RABGEF1: variants seen among roughly 807,000 people sequenced by gnomAD.
RABGEF1 encodes the protein rab5 GDP/GTP exchange factor.
In RABGEF1, 26 loss-of-function variants were observed where a neutral mutation model predicts 57.3. That is an observed-to-expected ratio of 0.45 (90% CI 0.33 to 0.63). The LOEUF (loss-of-function observed/expected upper bound fraction) is 0.63, where lower values mean the gene tolerates loss of function less well. Ranked by LOEUF, RABGEF1 falls within the 20% of genes least tolerant of loss-of-function variation. RABGEF1 has a pLI of 0.02. For missense variants in RABGEF1, 464 were observed against 607.6 expected (o/e 0.76, Z 2.48); for synonymous variants, 185 against 210.7 (o/e 0.88, Z 1.06).
At chr7:66,792,867 T>A (rs1813052674) in intron 4 of RABGEF1, among the ~76,000 whole-genome samples, 1 of 152,104 alleles carries the variant, frequency 6.6e-6, no homozygotes, top group Admixed American at 6.5e-5. Flanking sequence ...AACATTTTAG[T>A]TGGGGAAATG....
intron 1 of RABGEF1, among the ~76,000 whole-genome samples, chr7:66,690,929 CA>C (rs35650421): frequency 3.9e-4 from 56 of 144,716 alleles, no homozygotes; most frequent in Middle Eastern, 3.6e-3. Flanking sequence ...ACTAAAAATA[CA>C]AAAAAAAAAA....
intron 8 of RABGEF1, among the ~76,000 whole-genome samples, chr7:66,805,739 C>CTCAT (rs76088882): frequency 0.039 from 5,969 of 152,110 alleles, 160 homozygotes; most frequent in East Asian, 0.084. Context: ...TATTTGCCCC[C>CTCAT]TCATTCATTC....
intron 7 of RABGEF1, among the ~76,000 whole-genome samples, chr7:66,804,064 T>C (rs13237544): frequency 0.1 from 15,419 of 151,680 alleles, 963 homozygotes; most frequent in South Asian, 0.2. Context: ...TTGAACTAAG[T>C]GTGTCGGATT....
chr7:66,758,867 G>A (rs180711303), intron 1 of RABGEF1, among the ~76,000 whole-genome samples: 6 of 152,226 alleles, frequency 3.9e-5, no homozygotes, highest in South Asian at 2.1e-4. Flanking sequence ...ATTAAAAAAC[G>A]TTCATGTGTG....
chr7:66,748,026 T>C (rs1020959332), intron 1 of RABGEF1, among the ~76,000 whole-genome samples: 13 of 152,316 alleles, frequency 8.5e-5, no homozygotes, highest in Admixed American at 7.2e-4. Flanking sequence ...GCCACAAATT[T>C]GGCTTTGCTT....
intron 2 of RABGEF1, among the ~76,000 whole-genome samples, chr7:66,733,180 C>T (rs1797537837): frequency 6.6e-6 from 1 of 152,180 alleles, no homozygotes; most frequent in African/African-American, 2.4e-5. Flanking sequence ...TGGCAGTGCC[C>T]CTGCAGCCCA....
intron 1 of RABGEF1, among the ~76,000 whole-genome samples, chr7:66,696,515 C>T (rs1792356351): frequency 6.6e-6 from 1 of 151,926 alleles, no homozygotes; most frequent in Non-Finnish European, 1.5e-5. Context: ...CATGGTCAAA[C>T]CCTGTCTCTA....
intron 7 of RABGEF1, among the ~76,000 whole-genome samples, chr7:66,803,845 T>G (rs1251552004): frequency 6.7e-6 from 1 of 149,538 alleles, no homozygotes; most frequent in East Asian, 2.0e-4. Context: ...GCCGAGATCG[T>G]GCCACTGTAC....
intron 1 of RABGEF1, among the ~76,000 whole-genome samples, chr7:66,762,596 GAAAAGAAA>G (rs1258750707): frequency 2.0e-5 from 3 of 150,474 alleles, no homozygotes; most frequent in East Asian, 3.9e-4. Context: ...CTCAAGAAAA[GAAAAGAAA>G]AAAAGAAAAA....
the RABGEF1 span, among the ~76,000 whole-genome samples, chr7:66,671,931 C>T: frequency 1.3e-5 from 2 of 151,578 alleles, no homozygotes; most frequent in African/African-American, 4.9e-5. Flanking sequence ...ATCCTCCTGC[C>T]TCAGCTTCCC....
chr7:66,779,302 G>A (rs1216029545), intron 3 of RABGEF1, among the ~76,000 whole-genome samples: 3 of 151,930 alleles, frequency 2.0e-5, no homozygotes, highest in African/African-American at 4.8e-5. Flanking sequence ...TCGGGAGTTC[G>A]AGACCAGACT....
intron 1 of RABGEF1, chr7:66,748,750 A>T (rs1800787018): frequency 6.5e-6 from 1 of 154,658 alleles, no homozygotes; most frequent in Non-Finnish European, 1.5e-5. Flanking sequence ...ATTACACTTT[A>T]TACCTTCACT....
intron 1 of RABGEF1, among the ~76,000 whole-genome samples, chr7:66,753,213 A>G (rs1178233724): frequency 1.3e-5 from 2 of 152,174 alleles, no homozygotes; most frequent in Non-Finnish European, 2.9e-5. Context: ...TAGGATGACC[A>G]TGTAACTTAT....
chr7:66,763,182 C>A (rs1376483457), intron 1 of RABGEF1, among the ~76,000 whole-genome samples: 5 of 152,112 alleles, frequency 3.3e-5, no homozygotes, highest in Admixed American at 2.0e-4. Context: ...CATTTATTAT[C>A]TGAAAGTTCT....
At chr7:66,699,789 G>T (rs780644891) in intron 1 of RABGEF1, among the ~76,000 whole-genome samples, 4 of 152,110 alleles carry the variant, frequency 2.6e-5, no homozygotes, top group Non-Finnish European at 5.9e-5. Flanking sequence ...GGAGGTTGAG[G>T]CTGCAGTGAG....
intron 1 of RABGEF1, among the ~76,000 whole-genome samples, chr7:66,749,428 G>A (rs1174063341): frequency 6.6e-6 from 1 of 152,146 alleles, no homozygotes; most frequent in Admixed American, 6.6e-5. Flanking sequence ...TTCTAAATGT[G>A]TTCCTCAAAA....
intron 1 of RABGEF1, among the ~76,000 whole-genome samples, chr7:66,763,618 C>A (rs1467158754): frequency 6.6e-6 from 1 of 152,192 alleles, no homozygotes; most frequent in Non-Finnish European, 1.5e-5. Flanking sequence ...ACATTTTCAT[C>A]ATCTCAAAAA....
At chr7:66,742,994 G>A (rs563072070) in intron 1 of RABGEF1, among the ~76,000 whole-genome samples, 1 of 152,124 alleles carries the variant, frequency 6.6e-6, no homozygotes, top group African/African-American at 2.4e-5. Flanking sequence ...AAGTTTTTTA[G>A]CTGGGTCCTT....
chr7:66,696,315 C>A (rs13233304), intron 1 of RABGEF1, among the ~76,000 whole-genome samples: 1 of 152,140 alleles, frequency 6.6e-6, no homozygotes, highest in South Asian at 2.1e-4. Context: ...CTGCCTGCTT[C>A]AGCCTCCCAA....
Sources: gnomAD v4.1 joint callset for allele counts (sites outside exome capture counted in the v4.1 genomes callset) on GRCh38, gnomAD v4.1.1 for gene constraint, MANE v1.5 for transcripts, NCBI Gene and HGNC (gene_info 2026-07-23, HGNC 2026-07-21) for gene names.